Variants in SNTG1 observed in about 807,000 individuals in gnomAD.
The protein encoded by SNTG1 is gamma-1-syntrophin.
Under a neutral mutation model 74.7 loss-of-function variants are expected in SNTG1, and 39 were observed. That is an observed-to-expected ratio of 0.52 (90% CI 0.40 to 0.68). The LOEUF is 0.68. Ranked by LOEUF, SNTG1 falls within the 30% of genes least tolerant of loss-of-function variation. The probability of loss-of-function intolerance (pLI) is 0.00; values close to 1 mark genes in which losing one functional copy is unlikely to be tolerated. For synonymous variants in SNTG1, 254 were observed against 217.1 expected (o/e 1.17, Z -1.49); for missense variants, 685 against 609.5 (o/e 1.12, Z -1.30).
At position 50,749,024 on chromosome 8, in the gene SNTG1, G is replaced by A. The variant is rs562042060; in HGVS notation, c.1285-2977G>A. On this transcript the variant is annotated intron_variant, in intron 17 of 18. Coordinates refer to ENST00000642720, the MANE Select transcript of SNTG1 (RefSeq NM_018967.5). ...AGAAATGATTACGCTTGGTGAGAAA[G>A]GCGTGTTGAAAACAGAGATAGGCTA... 3.4e-4 allele frequency among the ~76,000 whole-genome samples: 51 copies of A among 152,140 alleles called. 1 individual carries two copies. Among genetic ancestry groups the A allele is most frequent in the African/African-American group, 9.6e-4 (40 of 41,544 alleles).
chr8:50,294,345 T>C (rs1166656533), intron 2 of SNTG1, among the ~76,000 whole-genome samples: 1 of 152,210 alleles, frequency 6.6e-6, no homozygotes, highest in Non-Finnish European at 1.5e-5. Context: ...AGCTTCAAAG[T>C]ATTCTTAAGC....
chr8:50,773,453 G>T (rs1269522503), intron 18 of SNTG1, among the ~76,000 whole-genome samples: 1 of 152,132 alleles, frequency 6.6e-6, no homozygotes. Flanking sequence ...GAGGATTAAA[G>T]AAGTGCCACA....
chr8:50,747,053 G>A (rs1006733963), intron 17 of SNTG1, among the ~76,000 whole-genome samples: 1 of 150,914 alleles, frequency 6.6e-6, no homozygotes, highest in Admixed American at 6.6e-5. Context: ...TGGATGATGA[G>A]GTATAGTCAA....
chr8:50,452,832 T>C (rs909220055), intron 8 of SNTG1, among the ~76,000 whole-genome samples: 15 of 152,220 alleles, frequency 9.9e-5, no homozygotes, highest in Admixed American at 3.3e-4. Flanking sequence ...GCTAAGCCAG[T>C]AGACTTACAC....
At chr8:50,494,431 G>T (rs1348334149) in intron 8 of SNTG1, among the ~76,000 whole-genome samples, 1 of 151,604 alleles carries the variant, frequency 6.6e-6, no homozygotes, top group Non-Finnish European at 1.5e-5. Flanking sequence ...TTAATAAAAT[G>T]GTTTGAAGAT....
chr8:50,599,058 T>C (rs1417955035), intron 13 of SNTG1, among the ~76,000 whole-genome samples: 1 of 152,046 alleles, frequency 6.6e-6, no homozygotes, highest in Admixed American at 6.6e-5. Context: ...AATAATCACA[T>C]CATGGAAAAT....
intron 1 of SNTG1, among the ~76,000 whole-genome samples, chr8:50,039,995 T>C (rs1008695968): frequency 2.0e-5 from 3 of 152,112 alleles, no homozygotes. Flanking sequence ...CAAGGGGCAG[T>C]GCACACACTG....
intron 4 of SNTG1, among the ~76,000 whole-genome samples, chr8:50,425,808 G>A (rs538413097): frequency 1.7e-4 from 26 of 152,250 alleles, no homozygotes; most frequent in African/African-American, 5.3e-4. Flanking sequence ...GGAGGGTGAC[G>A]TTTGAATCAA....
intron 2 of SNTG1, among the ~76,000 whole-genome samples, chr8:50,335,817 ATTATTTTATTTTATTTTATT>A (rs71233486): frequency 4.2e-5 from 6 of 141,452 alleles, no homozygotes; most frequent in South Asian, 2.3e-4. Flanking sequence ...TTTATGTTTT[ATTATTTTATTTTATTTTATT>A]TTATTTTATT....
At chr8:50,505,329 C>T (rs908636434) in intron 9 of SNTG1, among the ~76,000 whole-genome samples, 2 of 152,100 alleles carry the variant, frequency 1.3e-5, no homozygotes, top group South Asian at 2.1e-4. Context: ...ACTCTGCTTT[C>T]GGTTATTTTG....
Position 50,796,243 on chromosome 8 carries a change from T to C in SNTG1, c.*3414T>C, listed in dbSNP as rs1384025501. Reference sequence around the variant, plus strand: ...AAGCTTTAAAAGCACAAGGATGATCTTGTGCTTAACTTTTTAAGGTAAGTG... The same window carrying C: ...AAGCTTTAAAAGCACAAGGATGATCCTGTGCTTAACTTTTTAAGGTAAGTG... On this transcript the variant is annotated 3_prime_UTR_variant, in exon 19 of 19. Transcript: ENST00000642720. 6.6e-6 allele frequency: 1 copy of C among 152,052 alleles called. No homozygotes were observed. The highest frequency in any genetic ancestry group is 1.9e-4 in the East Asian group (1 of 5,184). The allele number at this position is 152,052 out of a possible 1,614,324, so 9.4% of individuals were successfully genotyped here.
At chr8:50,569,204 G>C (rs116668030) in intron 12 of SNTG1, among the ~76,000 whole-genome samples, 1 of 152,152 alleles carries the variant, frequency 6.6e-6, no homozygotes, top group African/African-American at 2.4e-5. Context: ...TCAGTCAGTA[G>C]TATTTACCAC....
intron 1 of SNTG1, among the ~76,000 whole-genome samples, chr8:50,007,933 A>G (rs1487636199): frequency 1.3e-5 from 2 of 152,096 alleles, no homozygotes; most frequent in African/African-American, 4.8e-5. Context: ...GTGGCAGGAG[A>G]GAGAGATAGC....
intron 1 of SNTG1, among the ~76,000 whole-genome samples, chr8:49,938,582 C>G (rs60603475): frequency 5.2e-5 from 1 of 19,116 alleles, no homozygotes; most frequent in Non-Finnish European, 1.2e-4. Flanking sequence ...CTTTTCTTTT[C>G]TTTTCTTTTC....
chr8:50,460,428 G>A (rs968406391), intron 8 of SNTG1, among the ~76,000 whole-genome samples: 12 of 152,052 alleles, frequency 7.9e-5, no homozygotes, highest in Admixed American at 2.0e-4. Context: ...CTCCCATTCC[G>A]TAGGTTGTAT....
chr8:50,612,163 G>A (rs1430323535), intron 13 of SNTG1, among the ~76,000 whole-genome samples: 1 of 152,146 alleles, frequency 6.6e-6, no homozygotes, highest in Admixed American at 6.5e-5. Context: ...GCCTAATATT[G>A]TATTTTGTAA....
chr8:50,249,016 C>T (rs2086525019), intron 2 of SNTG1, among the ~76,000 whole-genome samples: 1 of 152,024 alleles, frequency 6.6e-6, no homozygotes, highest in Non-Finnish European at 1.5e-5. Flanking sequence ...AGTATAACAC[C>T]ATATAGAGTG....
chr8:50,136,048 CCA>C (rs2081464871), intron 1 of SNTG1, among the ~76,000 whole-genome samples: 1 of 152,128 alleles, frequency 6.6e-6, no homozygotes, highest in Non-Finnish European at 1.5e-5. Context: ...ATAATGGCCT[CCA>C]GCTTCACCCA....
At chr8:50,387,289 C>T (rs914811267) in intron 2 of SNTG1, among the ~76,000 whole-genome samples, 1 of 152,080 alleles carries the variant, frequency 6.6e-6, no homozygotes, top group Non-Finnish European at 1.5e-5. Flanking sequence ...AGAAGAGTGC[C>T]CGAAGAGCTC....
Sources: gnomAD v4.1 joint callset for allele counts (sites outside exome capture counted in the v4.1 genomes callset) on GRCh38, gnomAD v4.1.1 for gene constraint, MANE v1.5 for transcripts, NCBI Gene and HGNC (gene_info 2026-07-23, HGNC 2026-07-21) for gene names.